KDM4C: variants seen among roughly 807,000 people sequenced by gnomAD.
The protein encoded by KDM4C is lysine demethylase 4C, also known as lysine-specific demethylase 4C.
Under a neutral mutation model 129.3 loss-of-function variants are expected in KDM4C, and 81 were observed. The ratio of observed to expected loss-of-function variants is 0.63; its 90% CI spans 0.52 to 0.75. The LOEUF (loss-of-function observed/expected upper bound fraction) is 0.75, where lower values mean the gene tolerates loss of function less well. KDM4C is among the 30% of genes least tolerant of loss of function. The pLI, the probability that KDM4C is intolerant of heterozygous loss-of-function variation, is 0.00. For missense variants in KDM4C, 1,457 were observed against 1,304.0 expected (o/e 1.12, Z -1.81); for synonymous variants, 573 against 456.1 (o/e 1.26, Z -3.26).
At chr9:6,794,045 A>G (rs1244195005) in intron 2 of KDM4C, among the ~76,000 whole-genome samples, 1 of 152,198 alleles carries the variant, frequency 6.6e-6, no homozygotes, top group African/African-American at 2.4e-5. Context: ...ATTCCCTGCT[A>G]TCACCCCCAG....
intron 4 of KDM4C, chr9:6,835,265 G>A (rs1457801205): frequency 1.1e-6 from 1 of 911,044 alleles, no homozygotes; most frequent in African/African-American, 1.6e-5. Context: ...ATGGAATCCT[G>A]TGGCATCCAT....
intron 19 of KDM4C, among the ~76,000 whole-genome samples, chr9:7,159,892 G>A (rs1225574410): frequency 6.6e-6 from 1 of 152,092 alleles, no homozygotes. Context: ...TGCTAGGTTG[G>A]GGACGTTCTC....
At chr9:6,881,243 A>C (rs1326953336) in intron 6 of KDM4C, among the ~76,000 whole-genome samples, 1 of 152,236 alleles carries the variant, frequency 6.6e-6, no homozygotes, top group African/African-American at 2.4e-5. Flanking sequence ...TAGAAGGAAC[A>C]GTTATAGTAT....
intron 1 of KDM4C, among the ~76,000 whole-genome samples, chr9:6,777,190 T>A (rs1823262745): frequency 6.6e-6 from 1 of 152,192 alleles, no homozygotes; most frequent in Non-Finnish European, 1.5e-5. Flanking sequence ...CTGGGAAGAA[T>A]TCTTTTTATT....
At chr9:7,169,925 A>C (rs1844786822) in intron 21 of KDM4C, 35 bp downstream of exon 21, 3 of 1,613,102 alleles carry the variant, frequency 1.9e-6, no homozygotes, top group Non-Finnish European at 2.5e-6. Flanking sequence ...GGGACCTGCC[A>C]AGTGAATTCC....
chr9:7,145,395 T>C (rs931337876), intron 19 of KDM4C, among the ~76,000 whole-genome samples: 8 of 152,140 alleles, frequency 5.3e-5, no homozygotes, highest in African/African-American at 1.9e-4. Flanking sequence ...TCGCTGTGTC[T>C]CAGTTCAGGG....
chr9:7,126,580 T>C (rs984051568), intron 18 of KDM4C, among the ~76,000 whole-genome samples: 1 of 152,170 alleles, frequency 6.6e-6, no homozygotes, highest in African/African-American at 2.4e-5. Context: ...ATTTCCAATA[T>C]ATGTGTGTTT....
chr9:6,779,466 G>T (rs1490890410), intron 1 of KDM4C, among the ~76,000 whole-genome samples: 2 of 152,200 alleles, frequency 1.3e-5, no homozygotes, highest in Non-Finnish European at 2.9e-5. Context: ...CTGACCCCTA[G>T]ATCATAACTA....
At position 7,175,007 on chromosome 9, in the gene KDM4C, T is replaced by C; in HGVS notation, c.*278T>C. On this transcript the variant is annotated 3_prime_UTR_variant, in exon 22 of 22. Coordinates refer to ENST00000381309, the MANE Select transcript of KDM4C (RefSeq NM_015061.6). ...TTTTCTAAGTGAAAGGAAATACTAG[T>C]GAATCACCCACAAGGAAAAGCCACT... The C allele has an allele frequency of 6.9e-6, 2 of 289,714 alleles. No homozygotes were observed. The highest frequency in any genetic ancestry group is 1.3e-5 in the Non-Finnish European group (2 of 151,466). 17.9% of individuals were successfully genotyped at this position (289,714 alleles called of 1,614,324 possible).
chr9:6,800,733 C>T (rs891716555), intron 2 of KDM4C, among the ~76,000 whole-genome samples: 3 of 151,974 alleles, frequency 2.0e-5, no homozygotes, highest in East Asian at 1.9e-4. Context: ...CTCAAGCAGT[C>T]GCCCCACCTC....
intron 17 of KDM4C, among the ~76,000 whole-genome samples, chr9:7,079,195 G>A (rs879770141): frequency 4.6e-5 from 7 of 152,142 alleles, no homozygotes; most frequent in Non-Finnish European, 7.4e-5. Context: ...CAGGCCTGTT[G>A]TATTAACTCT....
rs986653139 is a variant in KDM4C at position 6,749,101 on chromosome 9, C to T, written c.49+28104C>T. The T allele has an allele frequency of 1.6e-5, 7 of 439,932 alleles. No individual in the cohort carries two copies. The Admixed American group carries it at 1.6e-4, about 10-fold the overall frequency. 27.3% of individuals were successfully genotyped at this position (439,932 alleles called of 1,614,324 possible). On this transcript the variant is annotated intron_variant, in intron 1 of 17. Coordinates refer to the KDM4C transcript ENST00000536108. ...ATGGCGCGATCTCGCCTTCCTGCAA[C>T]CTCTGCCTCCTAGGTTCAAGTAATT...
In KDM4C at chr9:6,958,949, A is replaced by G. The variant is rs115162653; in HGVS notation, c.922-21976A>G. On this transcript the variant is annotated intron_variant, in intron 8 of 21. Transcript: ENST00000381309. ...AGGCGTGAGCCACCATGCCCAGCCT[A>G]TGTGTAATGTTATGATAATATTATT... 5.8e-3 allele frequency among the ~76,000 whole-genome samples: 879 copies of G among 152,242 alleles called. 7 individuals are homozygous for G. The highest frequency in any genetic ancestry group is 0.02 in the African/African-American group (838 of 41,548).
At chr9:6,832,902 A>ATT (rs35311426) in intron 4 of KDM4C, among the ~76,000 whole-genome samples, 54 of 134,286 alleles carry the variant, frequency 4.0e-4, no homozygotes, top group African/African-American at 8.0e-4. Flanking sequence ...TAATTTTTGT[A>ATT]TTTTTTTTTT....
intron 18 of KDM4C, among the ~76,000 whole-genome samples, chr9:7,115,951 G>A (rs754434355): frequency 6.6e-6 from 1 of 152,194 alleles, no homozygotes; most frequent in Admixed American, 6.5e-5. Flanking sequence ...TCAGAAGTTG[G>A]CATCTTTTCA....
chr9:7,003,300 T>A (rs2132053633), intron 12 of KDM4C, among the ~76,000 whole-genome samples: 1 of 152,332 alleles, frequency 6.6e-6, no homozygotes. Flanking sequence ...GCATTCCTTG[T>A]TTTTGTTCAT....
chr9:6,816,366 G>A (rs570170317), intron 4 of KDM4C, among the ~76,000 whole-genome samples: 3 of 152,266 alleles, frequency 2.0e-5, no homozygotes, highest in East Asian at 1.9e-4. Flanking sequence ...TACCAGCACC[G>A]TAGAATTCCC....
At chr9:7,077,941 G>T (rs1221968266) in intron 17 of KDM4C, among the ~76,000 whole-genome samples, 7 of 152,288 alleles carry the variant, frequency 4.6e-5, no homozygotes, top group African/African-American at 1.7e-4. Flanking sequence ...TGGGATCAAA[G>T]ACCTCCAGGT....
intron 5 of KDM4C, among the ~76,000 whole-genome samples, chr9:6,873,876 CTCT>C (rs2130694982): frequency 6.6e-6 from 1 of 151,596 alleles, no homozygotes; most frequent in African/African-American, 2.4e-5. Flanking sequence ...AGGCATGGAG[CTCT>C]TCTTTTTCTT....
Sources: allele counts gnomAD v4.1 joint callset (sites outside exome capture counted in the v4.1 genomes callset), GRCh38; gene constraint gnomAD v4.1.1; transcripts MANE v1.5; gene names NCBI Gene and HGNC (gene_info 2026-07-23, HGNC 2026-07-21).